LRP2BP: variants seen among roughly 807,000 people sequenced by gnomAD.
The protein encoded by LRP2BP is LRP2 binding protein, also known as LRP2-binding protein.
LRP2BP carries 38 observed loss-of-function variants against 45.2 expected under a neutral mutation model. The observed-to-expected ratio is 0.84, with a 90% CI of 0.65 to 1.10. The LOEUF is 1.10. Among genes scored for constraint, LRP2BP ranks in the 50% least tolerant of loss-of-function variants. The probability of loss-of-function intolerance (pLI) is 0.00; values close to 1 mark genes in which losing one functional copy is unlikely to be tolerated. For missense variants in LRP2BP, 385 were observed against 418.9 expected (o/e 0.92, Z 0.71); for synonymous variants, 153 against 153.9 (o/e 0.99, Z 0.04).
At chr4:185,385,277 A>C (rs894752478) in intron 1 of LRP2BP, among the ~76,000 whole-genome samples, 7 of 152,032 alleles carry the variant, frequency 4.6e-5, no homozygotes, top group African/African-American at 1.7e-4. Flanking sequence ...TGGAGCCGAT[A>C]CTGTTACAGT....
chr4:185,396,173 G>C (rs1194016771), upstream of LRP2BP: 2 of 152,258 alleles, frequency 1.3e-5, no homozygotes, highest in East Asian at 3.9e-4. Flanking sequence ...GGCCGGGCTC[G>C]GCCGTTGCCA....
At chr4:185,367,269 A>C in intron 8 of LRP2BP, 24 bp from the exon 9 acceptor site, 2 of 1,590,976 alleles carry the variant, frequency 1.3e-6, no homozygotes, top group Admixed American at 3.4e-5. Flanking sequence ...AGAGTCAGAT[A>C]TTTAGATACA....
At chr4:185,386,655 A>T (rs542142078) in intron 1 of LRP2BP, among the ~76,000 whole-genome samples, 1 of 152,146 alleles carries the variant, frequency 6.6e-6, no homozygotes, top group African/African-American at 2.4e-5. Context: ...TCCTGGCCCA[A>T]ACTTTTGGCT....
At chr4:185,393,556 G>A (rs2095493872) in intron 1 of LRP2BP, among the ~76,000 whole-genome samples, 3 of 146,460 alleles carry the variant, frequency 2.0e-5, no homozygotes. Context: ...ACGGAATCTT[G>A]CTCTTGTCAC....
chr4:185,368,246 G>A (rs2095398427), intron 8 of LRP2BP, among the ~76,000 whole-genome samples: 1 of 152,202 alleles, frequency 6.6e-6, no homozygotes, highest in South Asian at 2.1e-4. Flanking sequence ...TCCTCGAAGG[G>A]TCCTAACAGA....
chr4:185,376,807 T>C (rs1270287217), intron 3 of LRP2BP, 102 bp downstream of exon 3: 2 of 755,370 alleles, frequency 2.6e-6, no homozygotes, highest in East Asian at 5.3e-5. Context: ...TTGGACAGAA[T>C]TTCCCTAGTA....
intron 7 of LRP2BP, among the ~76,000 whole-genome samples, chr4:185,371,559 AAAAAG>A (rs1323720209): frequency 6.6e-6 from 1 of 151,746 alleles, no homozygotes; most frequent in East Asian, 1.9e-4. Context: ...AAAAAAAAAA[AAAAAG>A]GATAATGGAA....
chr4:185,396,238 G>A (rs1167869865), upstream of LRP2BP: 1 of 152,260 alleles, frequency 6.6e-6, no homozygotes, highest in Non-Finnish European at 1.5e-5. Flanking sequence ...TTCACCTCCC[G>A]GGTTGGGAGG....
intron 8 of LRP2BP, among the ~76,000 whole-genome samples, chr4:185,368,447 C>T (rs2095399983): frequency 6.7e-6 from 1 of 149,552 alleles, no homozygotes; most frequent in Non-Finnish European, 1.5e-5. Flanking sequence ...AACCTGTTCC[C>T]TTCCTGCGGG....
At chr4:185,396,708 G>T, upstream of LRP2BP, 2 of 579,466 alleles carry the variant, frequency 3.5e-6, no homozygotes, top group East Asian at 2.9e-5. Flanking sequence ...ACGTGCGGCC[G>T]TGGCGGGGCT....
At chr4:185,378,393 C>T (rs2095445353) in intron 1 of LRP2BP, 186 bp from the exon 2 acceptor site, 3 of 1,378,460 alleles carry the variant, frequency 2.2e-6, no homozygotes, top group African/African-American at 2.9e-5. Flanking sequence ...TCCTCCCTAG[C>T]TGAGAGACAG....
chr4:185,386,530 C>T (rs1371320135), intron 1 of LRP2BP, among the ~76,000 whole-genome samples: 1 of 152,186 alleles, frequency 6.6e-6, no homozygotes, highest in Non-Finnish European at 1.5e-5. Context: ...AGGCTGGGCT[C>T]CAGCCTACCT....
chr4:185,365,517 G>A lies in LRP2BP; in HGVS notation c.*1663C>T, dbSNP rs1028489382. ...ACTACAGGCGTCCGCCATCACGCCCGGCTAATTTTTGTATTTTTAGTAGAG... is the reference window on the plus strand; with the variant it reads ...ACTACAGGCGTCCGCCATCACGCCCAGCTAATTTTTGTATTTTTAGTAGAG... On this transcript the variant is annotated 3_prime_UTR_variant, in exon 9 of 9. Transcript: ENST00000505916. 4 of 151,702 alleles carry A rather than the reference G, an allele frequency of 2.6e-5. No individual in the cohort carries two copies. The highest frequency in any genetic ancestry group is 2.1e-4 in the South Asian group (1 of 4,820). The allele number at this position is 151,702 out of a possible 1,614,324, so 9.4% of individuals were successfully genotyped here. A position where few individuals can be genotyped will look rare whatever the true frequency, so the allele number is the denominator to read the frequency against.
chr4:185,373,204 G>A, intron 6 of LRP2BP, 125 bp from the exon 7 acceptor site: 1 of 882,748 alleles, frequency 1.1e-6, no homozygotes, highest in Non-Finnish European at 1.7e-6. Context: ...GGAAAGAGCG[G>A]TAGGCCTTTG....
chr4:185,385,449 C>T (rs1193318925), intron 1 of LRP2BP, among the ~76,000 whole-genome samples: 3 of 152,160 alleles, frequency 2.0e-5, no homozygotes, highest in Non-Finnish European at 4.4e-5. Context: ...TGAAAAAAAT[C>T]TGTCACAACC....
Position 185,367,250 on chromosome 4 carries a change from A to T in LRP2BP, c.979-5T>A. The T allele has an allele frequency of 6.2e-7, 1 of 1,611,366 alleles. No individual in the cohort carries two copies. On this transcript the variant is annotated splice_region_variant and splice_polypyrimidine_tract_variant and intron_variant, in intron 8 of 8. Coordinates refer to ENST00000505916, the MANE Select transcript of LRP2BP (RefSeq NM_001377440.1). ...TGCGGGATTCAGACGACAAGCCTTA[A>T]AATCAAAAAGAGTCAGATATTTAGA...
At chr4:185,393,004 G>A (rs1410723616) in intron 1 of LRP2BP, among the ~76,000 whole-genome samples, 2 of 152,192 alleles carry the variant, frequency 1.3e-5, no homozygotes, top group Non-Finnish European at 2.9e-5. Flanking sequence ...CACGATCTCG[G>A]CTCACTGCAA....
chr4:185,383,274 C>T (rs566762919), intron 1 of LRP2BP, among the ~76,000 whole-genome samples: 2 of 152,140 alleles, frequency 1.3e-5, no homozygotes, highest in Non-Finnish European at 2.9e-5. Flanking sequence ...AAGTTCAAGA[C>T]CAGACAGGGC....
rs538173222 is a variant in LRP2BP, at chr4:185,395,907, G to A, written c.-1150C>T. 3.0e-6 allele frequency: 3 copies of A among 985,350 alleles called. No homozygotes were observed. The highest frequency in any genetic ancestry group is 2.3e-4 in the East Asian group (2 of 8,828). 61.0% of individuals were successfully genotyped at this position (985,350 alleles called of 1,614,324 possible). On this transcript the variant is annotated 5_prime_UTR_variant, in exon 1 of 9. Transcript: ENST00000505916. ...GTTTCTAAGCAGATCCTTCTGGAAA[G>A]ACGCTTAGGGAGAGTCTAGGGAGCA...
Sources: gnomAD v4.1 joint callset for allele counts (sites outside exome capture counted in the v4.1 genomes callset) on GRCh38, gnomAD v4.1.1 for gene constraint, MANE v1.5 for transcripts, NCBI Gene and HGNC (gene_info 2026-07-23, HGNC 2026-07-21) for gene names.